The following CARMIL1 variants were observed in gnomAD, a reference collection of about 807,000 sequenced individuals.
The protein encoded by CARMIL1 is capping protein regulator and myosin 1 linker 1.
CARMIL1 carries 90 observed loss-of-function variants against 177.1 expected under a neutral mutation model. The ratio of observed to expected loss-of-function variants is 0.51; its 90% CI spans 0.43 to 0.61. The LOEUF is 0.61. Ranked by LOEUF, CARMIL1 falls within the 20% of genes least tolerant of loss-of-function variation. The pLI, the probability that CARMIL1 is intolerant of heterozygous loss-of-function variation, is 0.00. For synonymous variants in CARMIL1, 577 were observed against 606.2 expected (o/e 0.95, Z 0.71); for missense variants, 1,380 against 1,667.0 (o/e 0.83, Z 3.00).
chr6:25,362,887 T>G (rs1789372300), intron 2 of CARMIL1, among the ~76,000 whole-genome samples: 1 of 151,848 alleles, frequency 6.6e-6, no homozygotes, highest in Non-Finnish European at 1.5e-5. Context: ...ATAGAAAAAT[T>G]AGCTGGGCAT....
At chr6:25,412,438 G>C (rs1477438611) in intron 2 of CARMIL1, among the ~76,000 whole-genome samples, 1 of 152,068 alleles carries the variant, frequency 6.6e-6, no homozygotes, top group African/African-American at 2.4e-5. Context: ...AAAACTAGCT[G>C]GGCATGGTGG....
chr6:25,466,754 G>A (rs772755624), intron 9 of CARMIL1, among the ~76,000 whole-genome samples: 5 of 152,132 alleles, frequency 3.3e-5, no homozygotes, highest in East Asian at 3.8e-4. Context: ...GTGGGCAGGC[G>A]ACTTGGTTCT....
intron 20 of CARMIL1, among the ~76,000 whole-genome samples, chr6:25,512,294 A>G (rs1022946716): frequency 2.0e-5 from 3 of 152,226 alleles, no homozygotes; most frequent in Admixed American, 1.3e-4. Context: ...ACCTAAAACC[A>G]TATCTGCAGA....
chr6:25,602,740 C>T (rs1815557814), intron 33 of CARMIL1, among the ~76,000 whole-genome samples: 1 of 152,038 alleles, frequency 6.6e-6, no homozygotes, highest in Non-Finnish European at 1.5e-5. Flanking sequence ...CTAAAGGTAG[C>T]AACAATAGCA....
At chr6:25,537,433 A>T (rs1808411221) in intron 24 of CARMIL1, among the ~76,000 whole-genome samples, 1 of 152,172 alleles carries the variant, frequency 6.6e-6, no homozygotes, top group South Asian at 2.1e-4. Flanking sequence ...TCAGTGTTGC[A>T]CATTTTATTT....
rs1442975896 is a variant in CARMIL1 at position 25,610,034 on chromosome 6, G to A, written c.3848-16G>A. ...GTTTGTGGAACAGTTTGATTCACGT[G>A]TTTGTGTCTCCTTAGATGACATTCC... is the stretch of plus-strand genomic sequence containing the variant. On this transcript the variant is annotated splice_polypyrimidine_tract_variant and intron_variant, in intron 35 of 36. Coordinates refer to ENST00000329474, the MANE Select transcript of CARMIL1 (RefSeq NM_017640.6). The A allele has an allele frequency of 2.5e-6, 4 of 1,609,604 alleles. No individual in the cohort carries two copies. The highest frequency in any genetic ancestry group is 3.4e-6 in the Non-Finnish European group (4 of 1,177,730).
intron 4 of CARMIL1, among the ~76,000 whole-genome samples, chr6:25,433,450 T>G (rs1796980183): frequency 6.6e-6 from 1 of 152,156 alleles, no homozygotes. Context: ...TTTAAAAACA[T>G]GCATATGCAC....
At position 25,377,416 on chromosome 6, in the gene CARMIL1, T is replaced by G. The variant is rs994816682; in HGVS notation, c.139-42698T>G. ...TCCCTTGATGTCATGTACTTCTTCT[T>G]CCCTTAGGAGTAGAAATCCCTGAAG... On this transcript the variant is annotated intron_variant, in intron 2 of 36. Transcript: ENST00000329474. 3.9e-5 allele frequency among the ~76,000 whole-genome samples: 6 copies of G among 152,268 alleles called. No homozygotes were observed. In the East Asian group the frequency reaches 9.7e-4, roughly 25 times the overall value.
intron 31 of CARMIL1, among the ~76,000 whole-genome samples, chr6:25,588,310 T>C (rs1430578473): frequency 6.6e-6 from 1 of 152,034 alleles, no homozygotes; most frequent in African/African-American, 2.4e-5. Context: ...TATTTTGGAG[T>C]TTATTTCTTG....
intron 2 of CARMIL1, among the ~76,000 whole-genome samples, chr6:25,373,638 A>G: frequency 6.8e-6 from 1 of 148,080 alleles, no homozygotes; most frequent in East Asian, 2.0e-4. Context: ...GCTGAAGTGC[A>G]GTGGTGCGAT....
chr6:25,279,993 G>T (rs1780945291), intron 1 of CARMIL1, among the ~76,000 whole-genome samples, 158 bp downstream of exon 1: 1 of 152,136 alleles, frequency 6.6e-6, no homozygotes, highest in South Asian at 2.1e-4. Flanking sequence ...CGGGAAGTTT[G>T]TTCCCATCCG....
At chr6:25,476,416 C>T (rs1395563385) in intron 11 of CARMIL1, among the ~76,000 whole-genome samples, 1 of 152,206 alleles carries the variant, frequency 6.6e-6, no homozygotes, top group African/African-American at 2.4e-5. Flanking sequence ...CTCATTTCTG[C>T]CTCTTCTAAA....
Position 25,430,777 on chromosome 6 carries a change from T to C in CARMIL1, c.249+4217T>C, listed in dbSNP as rs567416269. Among the ~76,000 whole-genome samples, 8 of 152,354 alleles carry C rather than the reference T, an allele frequency of 5.3e-5. 1 individual carries two copies. In the South Asian group the frequency reaches 1.5e-3, roughly 28 times the overall value. On this transcript the variant is annotated intron_variant, in intron 4 of 36. Transcript: ENST00000329474. Reference sequence around the variant, plus strand: ...ATTCTATTAATATTCCTTAATGATATAGATCCATTTATATTTCTTTTCTTG... The same window carrying C: ...ATTCTATTAATATTCCTTAATGATACAGATCCATTTATATTTCTTTTCTTG...
At chr6:25,512,362 G>A (rs1194703672) in intron 20 of CARMIL1, among the ~76,000 whole-genome samples, 1 of 152,094 alleles carries the variant, frequency 6.6e-6, no homozygotes, top group Non-Finnish European at 1.5e-5. Flanking sequence ...GAATAGAGTG[G>A]CACTCATAAT....
intron 12 of CARMIL1, among the ~76,000 whole-genome samples, chr6:25,482,861 A>T (rs1436637972): frequency 1.3e-5 from 1 of 78,362 alleles, no homozygotes; most frequent in African/African-American, 4.8e-5. Flanking sequence ...CTGTCAATTC[A>T]TTATTATTTT....
intron 31 of CARMIL1, among the ~76,000 whole-genome samples, chr6:25,588,091 T>G (rs1044271363): frequency 6.6e-6 from 1 of 152,222 alleles, no homozygotes; most frequent in Non-Finnish European, 1.5e-5. Flanking sequence ...TTATAAGTAA[T>G]CTAGAGATTA....
intron 2 of CARMIL1, among the ~76,000 whole-genome samples, chr6:25,337,458 G>A (rs541033185): frequency 1.4e-4 from 22 of 152,298 alleles, no homozygotes; most frequent in African/African-American, 4.3e-4. Flanking sequence ...AGGATGTTGG[G>A]AGAAATATGA....
chr6:25,371,627 A>G (rs1159918416), intron 2 of CARMIL1, among the ~76,000 whole-genome samples: 1 of 151,998 alleles, frequency 6.6e-6, no homozygotes, highest in Non-Finnish European at 1.5e-5. Context: ...TTTTCTTGCT[A>G]ATTTATTTGA....
At chr6:25,468,918 A>T (rs1800865323) in intron 9 of CARMIL1, among the ~76,000 whole-genome samples, 1 of 152,236 alleles carries the variant, frequency 6.6e-6, no homozygotes, top group Non-Finnish European at 1.5e-5. Flanking sequence ...CAGAAATGGT[A>T]ATGATCCCAA....
Sources: gnomAD v4.1 joint callset for allele counts (sites outside exome capture counted in the v4.1 genomes callset) on GRCh38, gnomAD v4.1.1 for gene constraint, MANE v1.5 for transcripts, NCBI Gene and HGNC (gene_info 2026-07-23, HGNC 2026-07-21) for gene names.